The following TUBA1C variants were observed in gnomAD, a reference collection of about 807,000 sequenced individuals.
The protein encoded by TUBA1C is tubulin alpha-1C chain.
A neutral mutation model predicts 34.9 loss-of-function variants in TUBA1C; 16 were observed. The observed-to-expected ratio is 0.46, with a 90% confidence interval of 0.31 to 0.70. The LOEUF (loss-of-function observed/expected upper bound fraction) is 0.70, where lower values mean the gene tolerates loss of function less well. TUBA1C is among the 30% of genes least tolerant of loss of function. The pLI is 0.05. For synonymous variants in TUBA1C, 177 were observed against 215.9 expected (o/e 0.82, Z 1.58); for missense variants, 329 against 587.3 (o/e 0.56, Z 4.55).
intron 1 of TUBA1C, among the ~76,000 whole-genome samples, chr12:49,249,422 C>A (rs961316088): frequency 1.3e-5 from 2 of 151,856 alleles, no homozygotes; most frequent in African/African-American, 4.8e-5. Flanking sequence ...AGTGAAACTC[C>A]GTCTCTAAAT....
chr12:49,242,478 TTTGTG>T (rs1357451136), intron 1 of TUBA1C, among the ~76,000 whole-genome samples: 7 of 152,078 alleles, frequency 4.6e-5, no homozygotes, highest in Non-Finnish European at 1.0e-4. Context: ...TTTGTTTTGT[TTTGTG>T]TTGAGATGGG....
chr12:49,264,519 C>G (rs979178876), upstream of TUBA1C: 3 of 152,222 alleles, frequency 2.0e-5, no homozygotes, highest in South Asian at 6.2e-4. Context: ...AGCCAGGACT[C>G]CGAGGCGGAA....
intron 1 of TUBA1C, among the ~76,000 whole-genome samples, chr12:49,265,461 C>T (rs1405164597): frequency 2.0e-5 from 3 of 152,224 alleles, no homozygotes; most frequent in Non-Finnish European, 4.4e-5. Flanking sequence ...CGCTACTGCC[C>T]TAGGGAGGAA....
intron 1 of TUBA1C, among the ~76,000 whole-genome samples, chr12:49,268,244 G>A (rs888634628): frequency 1.2e-4 from 18 of 152,048 alleles, no homozygotes; most frequent in Non-Finnish European, 1.8e-4. Context: ...GACTACAGGC[G>A]CGCACCACCA....
intron 1 of TUBA1C, among the ~76,000 whole-genome samples, chr12:49,242,653 G>A (rs540585562): frequency 2.0e-5 from 3 of 150,734 alleles, no homozygotes; most frequent in Non-Finnish European, 4.4e-5. Context: ...TAATTTTTTT[G>A]TTGTTGTTGT....
intron 1 of TUBA1C, among the ~76,000 whole-genome samples, chr12:49,230,771 T>A (rs1793952141): frequency 6.6e-6 from 1 of 152,212 alleles, no homozygotes; most frequent in South Asian, 2.1e-4. Context: ...AATGGAGCTA[T>A]GGAGGTCATC....
At chr12:49,231,147 A>G (rs1044716139) in intron 1 of TUBA1C, among the ~76,000 whole-genome samples, 2 of 152,172 alleles carry the variant, frequency 1.3e-5, no homozygotes, top group African/African-American at 4.8e-5. Flanking sequence ...TTGTTGTTCC[A>G]TTAGTCCATC....
upstream of TUBA1C, among the ~76,000 whole-genome samples, chr12:49,264,415 G>A (rs1942871871): frequency 6.6e-6 from 1 of 152,200 alleles, no homozygotes; most frequent in African/African-American, 2.4e-5. Flanking sequence ...CGTTCGTGGT[G>A]ATTCAGACCT....
At chr12:49,270,384 G>A (rs1042103367) in intron 3 of TUBA1C, among the ~76,000 whole-genome samples, 1 of 152,220 alleles carries the variant, frequency 6.6e-6, no homozygotes, top group African/African-American at 2.4e-5. Flanking sequence ...GAAACTTCCA[G>A]TACTGCTGAA....
chr12:49,267,781 TC>T (rs1471313407), intron 1 of TUBA1C, among the ~76,000 whole-genome samples: 1 of 152,204 alleles, frequency 6.6e-6, no homozygotes, highest in Non-Finnish European at 1.5e-5. Context: ...CTTGATTGTT[TC>T]ATGGGGAGTG....
At chr12:49,255,869 T>C (rs1942778817) in intron 1 of TUBA1C, among the ~76,000 whole-genome samples, 1 of 152,094 alleles carries the variant, frequency 6.6e-6, no homozygotes, top group Non-Finnish European at 1.5e-5. Flanking sequence ...CCCAGCCAGA[T>C]TTATCTTTTT....
At chr12:49,228,545 T>C (rs995016632) in intron 1 of TUBA1C, among the ~76,000 whole-genome samples, 3 of 152,234 alleles carry the variant, frequency 2.0e-5, no homozygotes, top group African/African-American at 4.8e-5. Context: ...CAAATGAGCA[T>C]ATCCCTTAAA....
intron 1 of TUBA1C, among the ~76,000 whole-genome samples, chr12:49,266,619 C>T (rs934412329): frequency 2.6e-5 from 4 of 152,068 alleles, no homozygotes; most frequent in African/African-American, 9.7e-5. Flanking sequence ...GAGTCCGAGG[C>T]GGGAGGACCG....
At chr12:49,241,807 G>A (rs191272446) in intron 1 of TUBA1C, among the ~76,000 whole-genome samples, 8 of 149,554 alleles carry the variant, frequency 5.3e-5, no homozygotes, top group East Asian at 2.0e-4. Flanking sequence ...ACGCCGACAC[G>A]CCCGGCTAAT....
intron 1 of TUBA1C, among the ~76,000 whole-genome samples, chr12:49,231,208 AG>A: frequency 6.6e-6 from 1 of 152,328 alleles, no homozygotes; most frequent in South Asian, 2.1e-4. Context: ...TCTATTGCCC[AG>A]GCTGTAGTGC....
chr12:49,269,308 C>G (rs945115022), intron 1 of TUBA1C, among the ~76,000 whole-genome samples, 157 bp from the exon 2 acceptor site: 4 of 152,188 alleles, frequency 2.6e-5, no homozygotes, highest in Non-Finnish European at 5.9e-5. Context: ...GGTGATCCAC[C>G]TGCCTCAGCC....
chr12:49,252,777 G>C (rs966869510), intron 1 of TUBA1C, among the ~76,000 whole-genome samples: 2 of 152,202 alleles, frequency 1.3e-5, no homozygotes, highest in African/African-American at 4.8e-5. Context: ...GCCAGGCATG[G>C]TGGCGGGCGC....
intron 1 of TUBA1C, among the ~76,000 whole-genome samples, chr12:49,235,204 G>C (rs1458208309): frequency 6.6e-6 from 1 of 151,944 alleles, no homozygotes; most frequent in Non-Finnish European, 1.5e-5. Context: ...GAATAAAAAG[G>C]GCTCCTGACA....
intron 1 of TUBA1C, among the ~76,000 whole-genome samples, chr12:49,268,360 A>G (rs1942943766): frequency 6.6e-6 from 1 of 151,962 alleles, no homozygotes. Context: ...CGGTCTCCCA[A>G]AGTCCTGGGA....
Sources: allele counts gnomAD v4.1 joint callset (sites outside exome capture counted in the v4.1 genomes callset), GRCh38; gene constraint gnomAD v4.1.1; transcripts MANE v1.5; gene names NCBI Gene and HGNC (gene_info 2026-07-23, HGNC 2026-07-21).